ZNF33A: variants seen among roughly 807,000 people sequenced by gnomAD.
ZNF33A encodes brain my041 protein.
ZNF33A carries 9 observed loss-of-function variants against 15.9 expected under a neutral mutation model. The ratio of observed to expected loss-of-function variants is 0.57; its 90% CI spans 0.34 to 0.99. The LOEUF (loss-of-function observed/expected upper bound fraction) is 0.99. Among genes scored for constraint, ZNF33A ranks in the 50% least tolerant of loss-of-function variants. The pLI, the probability that ZNF33A is intolerant of heterozygous loss-of-function variation, is 0.02. For synonymous variants in ZNF33A, 294 were observed against 324.2 expected (o/e 0.91, Z 1.00); for missense variants, 843 against 941.6 (o/e 0.90, Z 1.37).
intron 4 of ZNF33A, among the ~76,000 whole-genome samples, chr10:38,031,414 A>G (rs1034161676): frequency 1.3e-5 from 2 of 151,608 alleles, no homozygotes; most frequent in African/African-American, 4.9e-5. Context: ...TACAAAAAGT[A>G]AAGACATTAG....
chr10:38,024,149 T>C (rs2064872282), intron 4 of ZNF33A, among the ~76,000 whole-genome samples: 1 of 61,298 alleles, frequency 1.6e-5, no homozygotes, highest in Admixed American at 1.8e-4. Context: ...TGAAACTCCG[T>C]CTCAAAAACA....
Position 38,054,404 on chromosome 10 carries a change from A to T in ZNF33A, c.280A>T (p.Arg94Trp), listed in dbSNP as rs142550214. 96 of 1,584,196 alleles carry T rather than the reference A, an allele frequency of 6.1e-5. No homozygotes were observed. The highest frequency in any genetic ancestry group is 5.4e-4 in the Middle Eastern group (3 of 5,560). ...EVWTADHLKE[R>W]SQENQSKHLW... ...CTGGACAGCTGATCACCTGAAAGAG[A>T]GGAGCCAAGAAAACCAATCTAAACA... Residue 94 changes from arginine to tryptophan, a missense_variant, in exon 5 of 5, where the codon AGG becomes TGG. Coordinates refer to ENST00000432900, the MANE Select transcript of ZNF33A (RefSeq NM_006954.2).
At chr10:38,061,477 TG>T (rs1373448080), downstream of ZNF33A, among the ~76,000 whole-genome samples, 1 of 152,188 alleles carries the variant, frequency 6.6e-6, no homozygotes, top group Non-Finnish European at 1.5e-5. Context: ...CCAGTGTGCC[TG>T]AGCGTGGCCT....
downstream of ZNF33A, among the ~76,000 whole-genome samples, chr10:38,065,567 T>C (rs1449282264): frequency 6.6e-6 from 1 of 152,180 alleles, no homozygotes; most frequent in Non-Finnish European, 1.5e-5. Flanking sequence ...TGGCTGGAAA[T>C]GTAGAGGCAA....
intron 4 of ZNF33A, among the ~76,000 whole-genome samples, chr10:38,049,117 A>G (rs762642316): frequency 2.6e-5 from 4 of 152,166 alleles, no homozygotes; most frequent in African/African-American, 9.6e-5. Flanking sequence ...TTAAAAATCA[A>G]TAACAGAACT....
chr10:38,017,408 A>T, intron 4 of ZNF33A, 22 bp downstream of exon 4: 1 of 1,560,620 alleles, frequency 6.4e-7, no homozygotes, highest in Non-Finnish European at 8.8e-7. Flanking sequence ...TGTACTGCAC[A>T]GATTCACATC....
intron 4 of ZNF33A, among the ~76,000 whole-genome samples, chr10:38,040,685 A>T (rs1044881525): frequency 6.6e-6 from 1 of 152,182 alleles, no homozygotes; most frequent in African/African-American, 2.4e-5. Flanking sequence ...ACCTGTTTGT[A>T]TCTATCTCTT....
Position 38,054,453 on chromosome 10 carries a change from A to C in ZNF33A, c.329A>C (p.Asn110Thr). 4 of 1,609,870 alleles carry C rather than the reference A, an allele frequency of 2.5e-6. No homozygotes were observed. Among genetic ancestry groups the C allele is most frequent in the Non-Finnish European group, 3.4e-6 (4 of 1,178,808 alleles). ...SKHLWEVVFI[N>T]NEMLTKEQGD... ...CATTTGTGGGAAGTTGTATTCATCA[A>C]TAATGAAATGCTGACTAAGGAACAA... Residue 110 changes from asparagine (N) to threonine (T), a missense_variant, in exon 5 of 5, where the codon AAT becomes ACT. Transcript: ENST00000432900.
At chr10:38,020,999 G>A (rs1457273294) in intron 4 of ZNF33A, among the ~76,000 whole-genome samples, 2 of 152,204 alleles carry the variant, frequency 1.3e-5, no homozygotes, top group Non-Finnish European at 2.9e-5. Flanking sequence ...CTGCTTTTGT[G>A]TGGATAGTTG....
At chr10:38,042,086 A>G (rs1183245402) in intron 4 of ZNF33A, among the ~76,000 whole-genome samples, 1 of 152,146 alleles carries the variant, frequency 6.6e-6, no homozygotes, top group African/African-American at 2.4e-5. Context: ...TTGTTATACT[A>G]ACCTTCTTAT....
chr10:38,040,936 A>G (rs1263415489), intron 4 of ZNF33A, among the ~76,000 whole-genome samples: 2 of 152,138 alleles, frequency 1.3e-5, no homozygotes, highest in African/African-American at 2.4e-5. Context: ...ACTAGAATGT[A>G]TTTCCATTTT....
At chr10:38,017,181 G>T (rs2064494239) in intron 3 of ZNF33A, 110 bp from the exon 4 acceptor site, 5 of 1,389,762 alleles carry the variant, frequency 3.6e-6, no homozygotes, top group Non-Finnish European at 4.9e-6. Flanking sequence ...CACCTCTCCA[G>T]TGAAAATGTT....
intron 4 of ZNF33A, among the ~76,000 whole-genome samples, chr10:38,026,303 T>C (rs549580011): frequency 2.1e-5 from 3 of 143,946 alleles, no homozygotes; most frequent in African/African-American, 7.5e-5. Flanking sequence ...GGGGTACCAC[T>C]GAATTATTTT....
At chr10:38,040,099 G>A (rs2065629406) in intron 4 of ZNF33A, among the ~76,000 whole-genome samples, 1 of 151,072 alleles carries the variant, frequency 6.6e-6, no homozygotes, top group Non-Finnish European at 1.5e-5. Context: ...CCTTCTTATT[G>A]CTTCTTTAAC....
chr10:38,036,303 G>A (rs1226260474), intron 4 of ZNF33A, among the ~76,000 whole-genome samples: 1 of 152,044 alleles, frequency 6.6e-6, no homozygotes, highest in Non-Finnish European at 1.5e-5. Context: ...TGGGCGTGGT[G>A]GAATGCGCCT....
At chr10:38,042,166 C>G (rs941750263) in intron 4 of ZNF33A, among the ~76,000 whole-genome samples, 9 of 151,764 alleles carry the variant, frequency 5.9e-5, no homozygotes, top group Admixed American at 2.0e-4. Flanking sequence ...TTTCCTTACT[C>G]TGGCACAGAT....
At chr10:38,041,963 C>G (rs1010625584) in intron 4 of ZNF33A, among the ~76,000 whole-genome samples, 3 of 152,116 alleles carry the variant, frequency 2.0e-5, no homozygotes, top group African/African-American at 7.2e-5. Flanking sequence ...GTTTCCTCCC[C>G]TTGCCCCCAC....
chr10:38,026,523 CG>C (rs1382188676), intron 4 of ZNF33A, among the ~76,000 whole-genome samples: 3 of 152,098 alleles, frequency 2.0e-5, no homozygotes, highest in Non-Finnish European at 4.4e-5. Context: ...TTAGTAGAGA[CG>C]GGGTTTCACC....
downstream of ZNF33A, among the ~76,000 whole-genome samples, chr10:38,067,216 T>C (rs564922617): frequency 1.2e-4 from 18 of 152,218 alleles, no homozygotes; most frequent in South Asian, 1.4e-3. Context: ...TGTTCCATGA[T>C]TGGTAAAAGG....
Sources: allele counts gnomAD v4.1 joint callset (sites outside exome capture counted in the v4.1 genomes callset), GRCh38; gene constraint gnomAD v4.1.1; transcripts MANE v1.5; gene names NCBI Gene and HGNC (gene_info 2026-07-23, HGNC 2026-07-21).